The following GABRB3 variants were observed in gnomAD, a reference collection of about 807,000 sequenced individuals.
GABRB3 encodes gamma-aminobutyric acid receptor subunit beta-3.
GABRB3 carries 14 observed loss-of-function variants against 52.1 expected under a neutral mutation model. That is an observed-to-expected ratio of 0.27 (90% confidence interval 0.18 to 0.42). The LOEUF (loss-of-function observed/expected upper bound fraction) is 0.42. GABRB3 is among the 10% of genes least tolerant of loss of function. The probability of loss-of-function intolerance (pLI) is 1.00; values close to 1 mark genes in which losing one functional copy is unlikely to be tolerated. For missense variants in GABRB3, 307 were observed against 609.1 expected (o/e 0.50, Z 5.22); for synonymous variants, 260 against 232.3 (o/e 1.12, Z -1.08).
chr15:26,634,226 T>C (rs938961837), intron 3 of GABRB3, among the ~76,000 whole-genome samples: 1 of 152,158 alleles, frequency 6.6e-6, no homozygotes, highest in Non-Finnish European at 1.5e-5. Flanking sequence ...TTGGATGCAT[T>C]GATCCCACTG....
At chr15:26,739,482 C>T (rs1386229952) in intron 3 of GABRB3, among the ~76,000 whole-genome samples, 2 of 152,034 alleles carry the variant, frequency 1.3e-5, no homozygotes, top group Non-Finnish European at 2.9e-5. Context: ...AGCAGGTGTT[C>T]AGTAAATATT....
At chr15:26,642,893 C>T (rs140798742) in intron 3 of GABRB3, among the ~76,000 whole-genome samples, 496 of 152,254 alleles carry the variant, frequency 3.3e-3, no homozygotes, top group Admixed American at 0.01. Context: ...ACTCAGTCCA[C>T]AGCTTGGGGG....
intron 3 of GABRB3, among the ~76,000 whole-genome samples, chr15:26,666,052 G>C (rs375678877): frequency 4.3e-4 from 66 of 152,252 alleles, no homozygotes; most frequent in African/African-American, 1.5e-3. Context: ...GCACAAACAT[G>C]CACACACAGA....
chr15:26,636,877 A>G (rs541484059), intron 3 of GABRB3, among the ~76,000 whole-genome samples: 4 of 152,312 alleles, frequency 2.6e-5, no homozygotes, highest in African/African-American at 9.6e-5. Flanking sequence ...AGGTTCCACC[A>G]TACCTTATCA....
intron 3 of GABRB3, among the ~76,000 whole-genome samples, chr15:26,688,634 C>A (rs1029972858): frequency 2.6e-5 from 4 of 152,128 alleles, no homozygotes; most frequent in Admixed American, 1.3e-4. Flanking sequence ...TTGCTTATGT[C>A]CATCTGGAGT....
intron 3 of GABRB3, among the ~76,000 whole-genome samples, chr15:26,754,251 G>C (rs1045833311): frequency 6.6e-6 from 1 of 152,114 alleles, no homozygotes. Context: ...GAGAGAAGAC[G>C]ACCAGCAACA....
At position 26,687,511 on chromosome 15, in the gene GABRB3, A is replaced by C. The variant is rs371468980; in HGVS notation, c.241-65977T>G. ...TCTTCCTCTCTTCCTCCGCCTGCCT[A>C]CCTCTCCCATCCCCTCCCTTCTCTC... On this transcript the variant is annotated intron_variant, in intron 3 of 8. Transcript: ENST00000311550. Among the ~76,000 whole-genome samples, 321 of 151,592 alleles carry C rather than the reference A, an allele frequency of 2.1e-3. 2 individuals carry two copies. The highest frequency in any genetic ancestry group is 7.4e-3 in the African/African-American group (306 of 41,342).
rs147063750 is a variant in GABRB3 at position 26,572,318 on chromosome 15, A to T, written c.683-4585T>A. Reference sequence around the variant, plus strand: ...GCTAGGGCACACGCCTAAGTGATTTAGGAGAGGTTTCACATTGTATGCACC... The same window carrying T: ...GCTAGGGCACACGCCTAAGTGATTTTGGAGAGGTTTCACATTGTATGCACC... On this transcript the variant is annotated intron_variant, in intron 6 of 8. Coordinates refer to ENST00000311550, the MANE Select transcript of GABRB3 (RefSeq NM_000814.6). Among the ~76,000 whole-genome samples the T allele has an allele frequency of 1.5e-3, 223 of 152,356 alleles. 1 individual carries two copies. Among genetic ancestry groups the T allele is most frequent in the Admixed American group, 4.5e-3 (69 of 15,306 alleles).
Position 26,718,201 on chromosome 15 carries a change from T to TATTC in GABRB3, c.240+54200_240+54201insGAAT, listed in dbSNP as rs539400186. On this transcript the variant is annotated intron_variant, in intron 3 of 8. Coordinates refer to ENST00000311550, the MANE Select transcript of GABRB3 (RefSeq NM_000814.6). ...TTGTACAATTTAATAGCTTATTTCT[T>TATTC]ATTTATTTATTTATTTATTTTTTTG... is the stretch of plus-strand genomic sequence containing the variant. Among the ~76,000 whole-genome samples, 24 of 152,248 alleles carry TATTC rather than the reference T, an allele frequency of 1.6e-4. No homozygotes were observed. The East Asian group carries it at 4.1e-3, about 26-fold the overall frequency.
intron 3 of GABRB3, among the ~76,000 whole-genome samples, chr15:26,699,428 A>G (rs573940293): frequency 1.2e-3 from 177 of 152,264 alleles, no homozygotes; most frequent in African/African-American, 3.9e-3. Flanking sequence ...CCAAACAGAG[A>G]TTACCAGACA....
chr15:26,652,558 G>A (rs2140593065), intron 3 of GABRB3, among the ~76,000 whole-genome samples: 1 of 152,128 alleles, frequency 6.6e-6, no homozygotes, highest in South Asian at 2.1e-4. Flanking sequence ...AAACATAAAT[G>A]TGTCCTTAAT....
At chr15:26,680,055 G>C (rs1167414555) in intron 3 of GABRB3, among the ~76,000 whole-genome samples, 2 of 152,112 alleles carry the variant, frequency 1.3e-5, no homozygotes, top group Admixed American at 1.3e-4. Flanking sequence ...TTTTCAGATG[G>C]GATTAACAGT....
intron 6 of GABRB3, among the ~76,000 whole-genome samples, chr15:26,572,651 A>G (rs1288858804): frequency 6.6e-6 from 1 of 152,250 alleles, no homozygotes; most frequent in African/African-American, 2.4e-5. Flanking sequence ...CCAAGTGATC[A>G]CAGCTAGTGG....
intron 4 of GABRB3, among the ~76,000 whole-genome samples, chr15:26,586,398 A>ACACACG (rs1491397853): frequency 3.5e-3 from 2 of 566 alleles, no homozygotes; most frequent in African/African-American, 8.6e-3. Context: ...ACCACCCCTA[A>ACACACG]CACACACACA....
intron 3 of GABRB3, among the ~76,000 whole-genome samples, chr15:26,626,178 C>T (rs1892684720): frequency 6.6e-6 from 1 of 152,084 alleles, no homozygotes; most frequent in Admixed American, 6.5e-5. Context: ...TTTGATATTA[C>T]TATTATTATC....
At chr15:26,738,239 T>C (rs1188674011) in intron 3 of GABRB3, among the ~76,000 whole-genome samples, 2 of 152,076 alleles carry the variant, frequency 1.3e-5, no homozygotes, top group Non-Finnish European at 2.9e-5. Flanking sequence ...CCGGCCACCA[T>C]GCCTGGCTAA....
At chr15:26,741,253 T>C (rs1175683334) in intron 3 of GABRB3, among the ~76,000 whole-genome samples, 3 of 152,160 alleles carry the variant, frequency 2.0e-5, no homozygotes, top group African/African-American at 7.2e-5. Flanking sequence ...TGATGAATAG[T>C]TGCTTTCAGT....
At chr15:26,565,645 G>A (rs1041438296) in intron 7 of GABRB3, among the ~76,000 whole-genome samples, 7 of 152,136 alleles carry the variant, frequency 4.6e-5, no homozygotes, top group Admixed American at 2.0e-4. Context: ...CACTTCCGGG[G>A]TATTAACGAT....
In GABRB3 at chr15:26,548,087, A is replaced by G. The variant is rs755901287; in HGVS notation, c.1128T>C (p.Asn376=). 1.2e-6 allele frequency: 2 copies of G among 1,614,136 alleles called. No individual in the cohort carries two copies. The highest frequency in any genetic ancestry group is 8.5e-7 in the Non-Finnish European group (1 of 1,180,032). ...NILLTSLEVH[N]EMNEVSGGIG... ...TGCCGCCTGAGACCTCATTCATTTC[A>G]TTGTGAACTTCCAGCGATGTCAACA... The change falls in exon 9 of 9, where the codon AAT becomes AAC. Residue 376 remains asparagine (N), a synonymous_variant. Coordinates refer to ENST00000311550, the MANE Select transcript of GABRB3 (RefSeq NM_000814.6).
Sources: allele counts gnomAD v4.1 joint callset (sites outside exome capture counted in the v4.1 genomes callset), GRCh38; gene constraint gnomAD v4.1.1; transcripts MANE v1.5; gene names NCBI Gene and HGNC (gene_info 2026-07-23, HGNC 2026-07-21).